Variants in DISC1 observed in about 807,000 individuals in gnomAD.
The protein encoded by DISC1 is disrupted in schizophrenia 1 protein.
In DISC1, 57 loss-of-function variants were observed where a neutral mutation model predicts 84.5. The observed-to-expected ratio is 0.67, with a 90% CI of 0.55 to 0.84. DISC1 has a LOEUF of 0.84. Among genes scored for constraint, DISC1 ranks in the 40% least tolerant of loss-of-function variants. DISC1 has a pLI of 0.00. For synonymous variants in DISC1, 411 were observed against 415.2 expected (o/e 0.99, Z 0.12); for missense variants, 1,000 against 1,057.8 (o/e 0.95, Z 0.76).
intron 3 of DISC1, among the ~76,000 whole-genome samples, chr1:231,733,904 A>G (rs1338604638): frequency 6.9e-6 from 1 of 145,376 alleles, no homozygotes; most frequent in East Asian, 2.1e-4. Context: ...TGATGGTAGA[A>G]GTGGTGGTGT....
At chr1:231,731,375 G>C (rs1456896030) in intron 3 of DISC1, among the ~76,000 whole-genome samples, 1 of 152,196 alleles carries the variant, frequency 6.6e-6, no homozygotes, top group African/African-American at 2.4e-5. Flanking sequence ...CAAATTAAGA[G>C]GTAGTTCATG....
intron 4 of DISC1, among the ~76,000 whole-genome samples, chr1:231,750,910 C>T (rs1035276268): frequency 2.6e-5 from 4 of 152,192 alleles, no homozygotes; most frequent in Non-Finnish European, 5.9e-5. Flanking sequence ...CTGACAATCA[C>T]AAGATTTTCT....
intron 10 of DISC1, among the ~76,000 whole-genome samples, chr1:231,980,059 G>C (rs1663375424): frequency 6.6e-6 from 1 of 152,208 alleles, no homozygotes; most frequent in Admixed American, 6.5e-5. Context: ...TATAAAACAA[G>C]ATGCATTCAG....
intron 9 of DISC1, among the ~76,000 whole-genome samples, chr1:231,843,030 TC>T (rs2083187651): frequency 6.6e-6 from 1 of 152,008 alleles, no homozygotes. Context: ...ACCATCCTGG[TC>T]CTCTAGAATG....
rs554038108 is a variant in DISC1 at position 231,811,271 on chromosome 1, G to A, written c.1793-7058G>A. 9.2e-5 allele frequency among the ~76,000 whole-genome samples: 14 copies of A among 152,338 alleles called. No homozygotes were observed. In the East Asian group the frequency reaches 2.7e-3, roughly 29 times the overall value. ...TAGCTGAAGGGACCTCCAGGGAGAA[G>A]GGGGTTGGGGAGGGGAGCAGTTGGC... is the stretch of plus-strand genomic sequence containing the variant. On this transcript the variant is annotated intron_variant, in intron 8 of 12. Transcript: ENST00000439617.
intron 1 of DISC1, among the ~76,000 whole-genome samples, chr1:231,691,568 T>A (rs960917572): frequency 2.0e-5 from 3 of 152,272 alleles, no homozygotes; most frequent in Non-Finnish European, 2.9e-5. Flanking sequence ...AAGGGTTATC[T>A]GGATGACTGG....
chr1:231,992,988 G>A (rs1488942181), intron 10 of DISC1, among the ~76,000 whole-genome samples: 1 of 152,138 alleles, frequency 6.6e-6, no homozygotes, highest in Non-Finnish European at 1.5e-5. Context: ...AAAACCCAGA[G>A]ATCAAGGCAG....
At chr1:231,725,889 A>G (rs2125136333) in intron 3 of DISC1, among the ~76,000 whole-genome samples, 1 of 151,930 alleles carries the variant, frequency 6.6e-6, no homozygotes, top group South Asian at 2.1e-4. Flanking sequence ...TGGTCCTACG[A>G]GTGCTGGAGA....
At chr1:231,867,588 C>T (rs577947376) in intron 9 of DISC1, among the ~76,000 whole-genome samples, 76 of 152,116 alleles carry the variant, frequency 5.0e-4, no homozygotes, top group East Asian at 3.5e-3. Context: ...GTGTGCAAGA[C>T]AGGAGGAATT....
chr1:231,984,650 T>A (rs2102885809), intron 10 of DISC1, among the ~76,000 whole-genome samples: 1 of 152,282 alleles, frequency 6.6e-6, no homozygotes, highest in East Asian at 1.9e-4. Flanking sequence ...AAGGAGCTTG[T>A]TGTCTCATGG....
At chr1:231,730,610 G>A (rs2071390897) in intron 3 of DISC1, among the ~76,000 whole-genome samples, 1 of 152,238 alleles carries the variant, frequency 6.6e-6, no homozygotes, top group Non-Finnish European at 1.5e-5. Context: ...TATGGAATTG[G>A]CCCAATAACA....
At chr1:231,631,916 C>G (rs951328117) in intron 1 of DISC1, among the ~76,000 whole-genome samples, 2 of 152,192 alleles carry the variant, frequency 1.3e-5, no homozygotes, top group Non-Finnish European at 2.9e-5. Context: ...ACCACTCACT[C>G]ACTGACTCAC....
chr1:231,920,364 C>T (rs1211066987), intron 9 of DISC1, among the ~76,000 whole-genome samples: 1 of 152,148 alleles, frequency 6.6e-6, no homozygotes, highest in Non-Finnish European at 1.5e-5. Flanking sequence ...CATTCATCTC[C>T]AGAACTTTCT....
chr1:231,681,382 G>C (rs1431389407), intron 1 of DISC1, among the ~76,000 whole-genome samples: 1 of 151,644 alleles, frequency 6.6e-6, no homozygotes, highest in Non-Finnish European at 1.5e-5. Flanking sequence ...TGTGATCCGT[G>C]TTGGGCTCTC....
chr1:231,916,925 C>T (rs575268924), intron 9 of DISC1, among the ~76,000 whole-genome samples: 6 of 152,254 alleles, frequency 3.9e-5, no homozygotes, highest in African/African-American at 1.4e-4. Flanking sequence ...CCCTTGAGCT[C>T]CTCCTCTCCA....
chr1:231,722,032 A>G lies in DISC1; in HGVS notation c.1117+20008A>G, dbSNP rs547993684. 5.9e-5 allele frequency among the ~76,000 whole-genome samples: 9 copies of G among 152,024 alleles called. No individual in the cohort carries two copies. The East Asian group carries it at 1.8e-3, about 30-fold the overall frequency. ...GCCGGGTGTGGTGGCGGGCACCTGT[A>G]ATCCCGGCTACTCGGGAGGCTGAGG... On this transcript the variant is annotated intron_variant, in intron 3 of 12. Transcript: ENST00000439617.
At chr1:231,985,830 A>G (rs1277815520) in intron 10 of DISC1, among the ~76,000 whole-genome samples, 1 of 152,210 alleles carries the variant, frequency 6.6e-6, no homozygotes, top group Non-Finnish European at 1.5e-5. Flanking sequence ...TGACACCAAA[A>G]TGACTCATCA....
At chr1:231,907,109 TCC>T (rs2088768181) in intron 9 of DISC1, among the ~76,000 whole-genome samples, 1 of 47,334 alleles carries the variant, frequency 2.1e-5, no homozygotes, top group African/African-American at 8.1e-5. Context: ...CTTCCTTCTC[TCC>T]TTCCTTCCTT....
chr1:231,999,181 G>T (rs891217271), intron 10 of DISC1, among the ~76,000 whole-genome samples: 1 of 152,104 alleles, frequency 6.6e-6, no homozygotes, highest in Non-Finnish European at 1.5e-5. Flanking sequence ...GGGAAAAAAG[G>T]CATGGACCAT....
Sources: gnomAD v4.1 joint callset for allele counts (sites outside exome capture counted in the v4.1 genomes callset) on GRCh38, gnomAD v4.1.1 for gene constraint, MANE v1.5 for transcripts, NCBI Gene and HGNC (gene_info 2026-07-23, HGNC 2026-07-21) for gene names.